The following TMEFF2 variants were observed in gnomAD, a reference collection of about 807,000 sequenced individuals.
TMEFF2 encodes tomoregulin-2.
Under a neutral mutation model 53.8 loss-of-function variants are expected in TMEFF2, and 28 were observed. The ratio of observed to expected loss-of-function variants is 0.52; its 90% CI spans 0.39 to 0.71. The LOEUF is 0.71. Ranked by LOEUF, TMEFF2 falls within the 30% of genes least tolerant of loss-of-function variation. TMEFF2 has a pLI of 0.00. For missense variants in TMEFF2, 353 were observed against 455.2 expected, an observed-to-expected ratio of 0.78 and a Z score of 2.04; for synonymous variants, 162 against 166.3, an observed-to-expected ratio of 0.97 and a Z score of 0.20.
chr2:191,975,265 C>CTTT (rs57057771), intron 7 of TMEFF2, among the ~76,000 whole-genome samples: 4 of 88,368 alleles, frequency 4.5e-5, no homozygotes, highest in Non-Finnish European at 7.7e-5. Context: ...TCTTTTTCTT[C>CTTT]TTTTTTTTTT....
At chr2:192,039,052 C>G (rs377164987) in intron 5 of TMEFF2, among the ~76,000 whole-genome samples, 10 of 152,098 alleles carry the variant, frequency 6.6e-5, no homozygotes, top group African/African-American at 2.4e-4. Context: ...CCCGCCCCCC[C>G]CATCTAACTT....
intron 4 of TMEFF2, among the ~76,000 whole-genome samples, chr2:192,094,447 C>T (rs2105937540): frequency 6.6e-6 from 1 of 152,070 alleles, no homozygotes; most frequent in South Asian, 2.1e-4. Context: ...TACCAGAGGC[C>T]AATGGTAGAA....
intron 4 of TMEFF2, among the ~76,000 whole-genome samples, chr2:192,155,000 A>G (rs193041990): frequency 6.6e-6 from 1 of 152,016 alleles, no homozygotes; most frequent in East Asian, 1.9e-4. Context: ...TGGGAACTTT[A>G]AGTTGGATAT....
intron 7 of TMEFF2, among the ~76,000 whole-genome samples, chr2:191,967,668 A>G (rs928192180): frequency 1.3e-5 from 2 of 152,066 alleles, no homozygotes; most frequent in Non-Finnish European, 1.5e-5. Flanking sequence ...GGCTTTGGCT[A>G]TCTGATGCTA....
chr2:192,128,653 G>T (rs1453000893), intron 4 of TMEFF2, among the ~76,000 whole-genome samples: 1 of 152,166 alleles, frequency 6.6e-6, no homozygotes, highest in Non-Finnish European at 1.5e-5. Context: ...TAGTAAGGCT[G>T]CAAGTTTTAG....
At chr2:191,953,200 C>T (rs546928471) in intron 9 of TMEFF2, among the ~76,000 whole-genome samples, 1 of 152,184 alleles carries the variant, frequency 6.6e-6, no homozygotes, top group Non-Finnish European at 1.5e-5. Flanking sequence ...GAAACAATTA[C>T]CTTTTGATTA....
chr2:192,084,634 CT>C (rs1386447927), intron 4 of TMEFF2, among the ~76,000 whole-genome samples: 1 of 152,074 alleles, frequency 6.6e-6, no homozygotes, highest in African/African-American at 2.4e-5. Context: ...AGTTTTATTT[CT>C]TTTTATATTG....
chr2:192,034,633 G>A (rs193297051), intron 5 of TMEFF2: 5 of 152,222 alleles, frequency 3.3e-5, no homozygotes, highest in Admixed American at 2.0e-4. Flanking sequence ...TTTATAAATT[G>A]TTGTCCTACT....
intron 7 of TMEFF2, among the ~76,000 whole-genome samples, chr2:191,961,432 C>T (rs1692270092): frequency 1.3e-5 from 2 of 152,250 alleles, no homozygotes; most frequent in Admixed American, 6.5e-5. Flanking sequence ...CTATTTTTTA[C>T]ATGTAATGAC....
chr2:191,949,919 T>G lies in TMEFF2; in HGVS notation c.*392A>C. 1.0e-6 allele frequency: 1 copy of G among 1,001,824 alleles called. No individual in the cohort carries two copies. Among genetic ancestry groups the G allele is most frequent in the Non-Finnish European group, 1.2e-6 (1 of 839,880 alleles). 62.1% of individuals were successfully genotyped at this position (1,001,824 alleles called of 1,614,324 possible). On this transcript the variant is annotated 3_prime_UTR_variant, in exon 10 of 10. Coordinates refer to ENST00000272771, the MANE Select transcript of TMEFF2 (RefSeq NM_016192.4). ...GTCCTGTACGAACTAATGTGCTGTC[T>G]CAAGATGAGAAGAAACATGAAATAT...
intron 7 of TMEFF2, among the ~76,000 whole-genome samples, chr2:191,975,304 T>C (rs1265379102): frequency 1.3e-5 from 1 of 75,902 alleles, no homozygotes; most frequent in African/African-American, 2.8e-5. Flanking sequence ...ATGGTCAAGT[T>C]TTTGAATTTA....
intron 4 of TMEFF2, among the ~76,000 whole-genome samples, chr2:192,166,981 G>A (rs1362973621): frequency 6.6e-6 from 1 of 152,062 alleles, no homozygotes; most frequent in Non-Finnish European, 1.5e-5. Context: ...AACTGGCACT[G>A]GTTGGTCACC....
At chr2:191,993,270 C>T (rs953899240) in intron 7 of TMEFF2, among the ~76,000 whole-genome samples, 4 of 151,912 alleles carry the variant, frequency 2.6e-5, no homozygotes, top group African/African-American at 9.7e-5. Context: ...GACAGAATGT[C>T]GTTTAACTAT....
chr2:192,051,993 T>C (rs1265349148), intron 5 of TMEFF2, among the ~76,000 whole-genome samples: 1 of 152,230 alleles, frequency 6.6e-6, no homozygotes, highest in African/African-American at 2.4e-5. Context: ...AAGGATGTTA[T>C]ACACTAAAAC....
At chr2:191,955,139 G>A (rs1321532696) in intron 8 of TMEFF2, among the ~76,000 whole-genome samples, 14 of 108,588 alleles carry the variant, frequency 1.3e-4, no homozygotes, top group African/African-American at 1.7e-4. Flanking sequence ...GGTGGGGGGC[G>A]GGGAGGGGGG....
chr2:192,035,081 T>G (rs1479894158), intron 5 of TMEFF2: 2 of 152,238 alleles, frequency 1.3e-5, no homozygotes, highest in Non-Finnish European at 2.9e-5. Context: ...TACTGGGCAC[T>G]GATGTTGAGA....
At chr2:191,954,946 C>T (rs549033671) in intron 8 of TMEFF2, among the ~76,000 whole-genome samples, 154 of 152,192 alleles carry the variant, frequency 1.0e-3, no homozygotes, top group Non-Finnish European at 1.2e-3. Flanking sequence ...CTTTGAATTT[C>T]TCATAACTAC....
At chr2:192,040,717 C>T (rs553005352) in intron 5 of TMEFF2, among the ~76,000 whole-genome samples, 1 of 152,190 alleles carries the variant, frequency 6.6e-6, no homozygotes, top group African/African-American at 2.4e-5. Flanking sequence ...TAGAGCAACA[C>T]CCTCATTTCC....
At chr2:192,170,413 C>T (rs1358387505) in intron 4 of TMEFF2, among the ~76,000 whole-genome samples, 1 of 152,016 alleles carries the variant, frequency 6.6e-6, no homozygotes, top group Non-Finnish European at 1.5e-5. Flanking sequence ...CAAATATATG[C>T]AGAGTACACC....
Sources: allele counts gnomAD v4.1 joint callset (sites outside exome capture counted in the v4.1 genomes callset), GRCh38; gene constraint gnomAD v4.1.1; transcripts MANE v1.5; gene names NCBI Gene and HGNC (gene_info 2026-07-23, HGNC 2026-07-21).